The following ANKS4B variants were observed in gnomAD, a reference collection of about 807,000 sequenced individuals.
ANKS4B encodes ankyrin repeat and SAM domain-containing protein 4B.
In ANKS4B, 21 loss-of-function variants were observed where a neutral mutation model predicts 20.2. The ratio of observed to expected loss-of-function variants is 1.04; its 90% CI spans 0.74 to 1.50. ANKS4B has a LOEUF of 1.50. Among genes scored for constraint, ANKS4B ranks in the 40% most tolerant of loss-of-function variants. ANKS4B has a pLI of 0.00. For synonymous variants in ANKS4B, 179 were observed against 194.5 expected, an observed-to-expected ratio of 0.92 and a Z score of 0.66; for missense variants, 473 against 494.6, an observed-to-expected ratio of 0.96 and a Z score of 0.41.
intron 1 of ANKS4B, among the ~76,000 whole-genome samples, chr16:21,244,800 G>A (rs2031078): frequency 0.53 from 80,195 of 151,976 alleles, 21,597 homozygotes; most frequent in East Asian, 0.76. Context: ...AAACAATTAA[G>A]TCAGGCTGAC....
At chr16:21,236,701 G>A (rs192374898) in intron 1 of ANKS4B, among the ~76,000 whole-genome samples, 28 of 152,044 alleles carry the variant, frequency 1.8e-4, no homozygotes, top group African/African-American at 6.3e-4. Flanking sequence ...GTGAGCCACA[G>A]CACTCAGCCT....
At position 21,250,366 on chromosome 16, in the gene ANKS4B, A is replaced by G. The variant is rs756297978; in HGVS notation, c.800A>G (p.Asn267Ser). Reference sequence around the variant, plus strand: ...AGTGTGCACCATGAATCCATTCTCAATCGTCCAGGTCTAGGAAGTATTGTT... The same window carrying G: ...AGTGTGCACCATGAATCCATTCTCAGTCGTCCAGGTCTAGGAAGTATTGTT... ...DGSVHHESIL[N>S]RPGLGSIVFR... The change falls in exon 2 of 2, where the codon AAT becomes AGT. Residue 267 changes from asparagine (N) to serine (S), a missense_variant. Physicochemically the swap from Asn to Ser is conservative, Grantham distance 46. Transcript: ENST00000311620. The G allele has an allele frequency of 6.2e-7, 1 of 1,614,144 alleles. No individual in the cohort carries two copies. Among genetic ancestry groups the G allele is most frequent in the Admixed American group, 1.7e-5 (1 of 60,014 alleles).
chr16:21,244,716 A>G (rs1303106223), intron 1 of ANKS4B, among the ~76,000 whole-genome samples: 1 of 152,186 alleles, frequency 6.6e-6, no homozygotes, highest in Non-Finnish European at 1.5e-5. Context: ...GTGAAACCAC[A>G]TGTTTAGGGG....
At chr16:21,242,513 T>A (rs1357464965) in intron 1 of ANKS4B, among the ~76,000 whole-genome samples, 1 of 152,172 alleles carries the variant, frequency 6.6e-6, no homozygotes, top group African/African-American at 2.4e-5. Flanking sequence ...GATTCCACAT[T>A]TAAGTGAGAT....
At chr16:21,248,974 G>A (rs2152859983) in intron 1 of ANKS4B, among the ~76,000 whole-genome samples, 1 of 152,284 alleles carries the variant, frequency 6.6e-6, no homozygotes, top group East Asian at 1.9e-4. Context: ...TTACACCACA[G>A]AAATTGGCAC....
chr16:21,236,926 A>C (rs907602910), intron 1 of ANKS4B, among the ~76,000 whole-genome samples: 23 of 152,268 alleles, frequency 1.5e-4, no homozygotes, highest in African/African-American at 5.3e-4. Flanking sequence ...CAACAAATAC[A>C]TTTCTTAGCC....
chr16:21,240,473 G>C (rs145053628), intron 1 of ANKS4B, among the ~76,000 whole-genome samples: 26 of 152,074 alleles, frequency 1.7e-4, no homozygotes, highest in Non-Finnish European at 3.5e-4. Flanking sequence ...ATTTTTAGTA[G>C]AGACAAGGTT....
chr16:21,245,609 C>A (rs765456441), intron 1 of ANKS4B, among the ~76,000 whole-genome samples: 2 of 152,056 alleles, frequency 1.3e-5, no homozygotes, highest in African/African-American at 2.4e-5. Flanking sequence ...GGACTACAGG[C>A]GCGCACCACC....
chr16:21,248,445 A>AT (rs1228176550), intron 1 of ANKS4B, among the ~76,000 whole-genome samples: 1 of 151,786 alleles, frequency 6.6e-6, no homozygotes, highest in Non-Finnish European at 1.5e-5. Flanking sequence ...AAATAAAATT[A>AT]CAGGCTGGGC....
chr16:21,251,258 C>CGAGAT lies in ANKS4B; in HGVS notation c.*438_*439insGAGAT. 1.9e-5 allele frequency: 3 copies of CGAGAT among 161,086 alleles called. No individual in the cohort carries two copies. Among genetic ancestry groups the CGAGAT allele is most frequent in the Admixed American group, 5.7e-5 (1 of 17,406 alleles). 10.0% of individuals were successfully genotyped at this position (161,086 alleles called of 1,614,324 possible). A position where few individuals can be genotyped will look rare whatever the true frequency, so the allele number is the denominator to read the frequency against. On this transcript the variant is annotated 3_prime_UTR_variant, in exon 2 of 2. Coordinates refer to ENST00000311620, the MANE Select transcript of ANKS4B (RefSeq NM_145865.3). ...TAGCTGAGACTACAGGTTCACACCC[C>CGAGAT]CCACACCTGGCTTATTTTGTATGTT...
Position 21,249,781 on chromosome 16 carries a change from C to A in ANKS4B, c.215C>A (p.Ala72Glu). The change falls in exon 2 of 2, where the codon GCA (alanine) becomes GAA (glutamate). Residue 72 changes from alanine (A) to glutamate (E), a missense_variant. Transcript: ENST00000311620. ...TGGGGAAACACTCCTCTACATTTTG[C>A]AGCCTCCAATGGCCATGCCCACTGC... ...DIWGNTPLHFAASNGHAHCVS... is the reference protein window; with the variant it reads ...DIWGNTPLHFEASNGHAHCVS... 6.2e-7 allele frequency: 1 copy of A among 1,614,108 alleles called. No homozygotes were observed. The highest frequency in any genetic ancestry group is 1.3e-5 in the African/African-American group (1 of 75,024).
At position 21,246,340 on chromosome 16, in the gene ANKS4B, T is replaced by A. The variant is rs563650839; in HGVS notation, c.165-3391T>A. ...AATGTTGAGAAAGGTAAAAACACTT[T>A]TAAATAAGGAAGAGGAACAGGCTAT... On this transcript the variant is annotated intron_variant, in intron 1 of 1. Transcript: ENST00000311620. Among the ~76,000 whole-genome samples the A allele has an allele frequency of 2.6e-5, 4 of 152,284 alleles. No individual in the cohort carries two copies. The East Asian group carries it at 5.8e-4, about 22-fold the overall frequency.
intron 1 of ANKS4B, among the ~76,000 whole-genome samples, chr16:21,247,002 A>T (rs939365114): frequency 6.6e-6 from 1 of 151,786 alleles, no homozygotes; most frequent in African/African-American, 2.4e-5. Flanking sequence ...TCACCTGCGG[A>T]TCTTGCTAAA....
At position 21,250,523 on chromosome 16, in the gene ANKS4B, G is replaced by C; in HGVS notation, c.957G>C (p.Glu319Asp). 1 of 1,614,194 alleles carries C rather than the reference G, an allele frequency of 6.2e-7. No homozygotes were observed. The highest frequency in any genetic ancestry group is 1.1e-5 in the South Asian group (1 of 91,078). Residue 319 changes from glutamate to aspartate, a missense_variant, in exon 2 of 2, where the codon GAG (glutamate) becomes GAC (aspartate). Transcript: ENST00000311620. Reference sequence around the variant, plus strand: ...CTGATGAGGGTGCAGCTGATGAAGAGGGAGAGGAAAACGGCCTCAAAGATG... The same window carrying C: ...CTGATGAGGGTGCAGCTGATGAAGACGGAGAGGAAAACGGCCTCAAAGATG... ...SEADEGAADE[E>D]GEENGLKDDL...
chr16:21,237,996 T>C (rs1353324090), intron 1 of ANKS4B, among the ~76,000 whole-genome samples: 1 of 152,166 alleles, frequency 6.6e-6, no homozygotes, highest in East Asian at 1.9e-4. Flanking sequence ...ACCCCATCTC[T>C]ACTAAAAATA....
intron 1 of ANKS4B, among the ~76,000 whole-genome samples, chr16:21,246,896 G>A (rs539381776): frequency 6.6e-6 from 1 of 152,334 alleles, no homozygotes. Flanking sequence ...AGGGATTCCC[G>A]TGGAGTAACT....
At chr16:21,234,850 T>C (rs1245960098) in intron 1 of ANKS4B, among the ~76,000 whole-genome samples, 6 of 152,048 alleles carry the variant, frequency 3.9e-5, no homozygotes, top group Non-Finnish European at 7.4e-5. Context: ...TGTGTGTGTG[T>C]GTGTGCATGT....
intron 1 of ANKS4B, among the ~76,000 whole-genome samples, chr16:21,244,289 G>A (rs1479075773): frequency 6.6e-6 from 1 of 152,072 alleles, no homozygotes; most frequent in Non-Finnish European, 1.5e-5. Flanking sequence ...AGGAGGGAGA[G>A]CATTAGGACA....
At chr16:21,249,599 A>G (rs2093336203) in intron 1 of ANKS4B, 132 bp from the exon 2 acceptor site, 4 of 1,075,928 alleles carry the variant, frequency 3.7e-6, no homozygotes, top group Non-Finnish European at 1.3e-6. Context: ...GTATCTTATA[A>G]CAATGTCAAG....
Sources: gnomAD v4.1 joint callset for allele counts (sites outside exome capture counted in the v4.1 genomes callset) on GRCh38, gnomAD v4.1.1 for gene constraint, MANE v1.5 for transcripts, NCBI Gene and HGNC (gene_info 2026-07-23, HGNC 2026-07-21) for gene names.